TNS3: variants seen among roughly 807,000 people sequenced by gnomAD.
The protein encoded by TNS3 is tensin 3.
In TNS3, 45 loss-of-function variants were observed where a neutral mutation model predicts 140.9. That is an observed-to-expected ratio of 0.32 (90% CI 0.25 to 0.41). The LOEUF is 0.41. TNS3 is among the 10% of genes least tolerant of loss of function. The probability of loss-of-function intolerance (pLI) is 1.00; values close to 1 mark genes in which losing one functional copy is unlikely to be tolerated. For synonymous variants in TNS3, 815 were observed against 788.4 expected (o/e 1.03, Z -0.56); for missense variants, 1,716 against 1,906.7 (o/e 0.90, Z 1.86).
chr7:47,526,388 A>G (rs1379983958), intron 2 of TNS3, among the ~76,000 whole-genome samples: 1 of 152,214 alleles, frequency 6.6e-6, no homozygotes, highest in East Asian at 1.9e-4. Flanking sequence ...ATGCGGCATC[A>G]GCCATGTGGA....
At chr7:47,491,172 G>A (rs1449105922) in intron 3 of TNS3, among the ~76,000 whole-genome samples, 2 of 152,290 alleles carry the variant, frequency 1.3e-5, no homozygotes, top group South Asian at 2.1e-4. Flanking sequence ...TCTACGCTGC[G>A]ATTCACCAAA....
chr7:47,415,571 G>A (rs1794034989), intron 10 of TNS3, among the ~76,000 whole-genome samples: 1 of 152,226 alleles, frequency 6.6e-6, no homozygotes. Context: ...CACACCGGTG[G>A]GCGTGTGCTC....
intron 8 of TNS3, among the ~76,000 whole-genome samples, chr7:47,432,092 A>G (rs1250293167): frequency 6.6e-6 from 1 of 152,202 alleles, no homozygotes; most frequent in Non-Finnish European, 1.5e-5. Context: ...TCACCGAAAA[A>G]AAGAGAAAAC....
At chr7:47,458,170 C>T (rs1166260117) in intron 4 of TNS3, among the ~76,000 whole-genome samples, 2 of 152,214 alleles carry the variant, frequency 1.3e-5, no homozygotes, top group African/African-American at 2.4e-5. Flanking sequence ...TGGTATCTAA[C>T]TGACCCGTTC....
At chr7:47,475,039 G>A (rs1168575136) in intron 4 of TNS3, among the ~76,000 whole-genome samples, 1 of 148,858 alleles carries the variant, frequency 6.7e-6, no homozygotes, top group East Asian at 2.1e-4. Flanking sequence ...TCACACAACA[G>A]ACAACAGACA....
chr7:47,577,562 C>T (rs905272463), intron 1 of TNS3, among the ~76,000 whole-genome samples: 2 of 152,172 alleles, frequency 1.3e-5, no homozygotes, highest in Non-Finnish European at 2.9e-5. Context: ...GCATTGCTGA[C>T]GGACCGGGAT....
intron 1 of TNS3, chr7:47,581,366 A>G (rs1784530688): frequency 8.3e-6 from 1 of 119,828 alleles, no homozygotes; most frequent in Non-Finnish European, 1.6e-5. Context: ...TCCTTCAGGG[A>G]AAAAAAGGAA....
intron 1 of TNS3, among the ~76,000 whole-genome samples, chr7:47,578,294 C>G (rs1186596858): frequency 1.3e-5 from 2 of 152,084 alleles, no homozygotes; most frequent in Non-Finnish European, 2.9e-5. Context: ...TGGACTCCAG[C>G]AAGACTCCAT....
chr7:47,550,918 C>G (rs1800044169), intron 1 of TNS3, among the ~76,000 whole-genome samples: 1 of 152,172 alleles, frequency 6.6e-6, no homozygotes, highest in African/African-American at 2.4e-5. Context: ...CAGTCTTACC[C>G]CACTCCTGAG....
intron 3 of TNS3, among the ~76,000 whole-genome samples, chr7:47,496,896 T>TG (rs1798030983): frequency 6.6e-6 from 1 of 151,966 alleles, no homozygotes; most frequent in East Asian, 1.9e-4. Context: ...TGCAGGAGGC[T>TG]GGGGGGAGTA....
intron 26 of TNS3, 76 bp from the exon 27 acceptor site, chr7:47,292,108 T>C (rs539223493): frequency 2.1e-6 from 3 of 1,432,582 alleles, no homozygotes; most frequent in Non-Finnish European, 2.9e-6. Context: ...GTTAGACAAT[T>C]TGATGACAGA....
chr7:47,492,273 AG>A (rs752836586), intron 3 of TNS3, among the ~76,000 whole-genome samples: 10 of 152,236 alleles, frequency 6.6e-5, no homozygotes, highest in Admixed American at 4.6e-4. Context: ...GGCCAGCAGC[AG>A]GAAGGCTGGG....
intron 28 of TNS3, among the ~76,000 whole-genome samples, 180 bp from the exon 29 acceptor site, chr7:47,280,534 A>G (rs987799366): frequency 6.6e-6 from 1 of 152,238 alleles, no homozygotes; most frequent in Non-Finnish European, 1.5e-5. Context: ...GATGTCATGA[A>G]GCTGGGCAGA....
At chr7:47,429,192 T>C (rs1794807082) in intron 8 of TNS3, among the ~76,000 whole-genome samples, 3 of 152,236 alleles carry the variant, frequency 2.0e-5, no homozygotes, top group Non-Finnish European at 4.4e-5. Context: ...TAAGATTCCA[T>C]GCCATGTGAA....
intron 1 of TNS3, among the ~76,000 whole-genome samples, chr7:47,532,337 T>C (rs10233871): frequency 0.37 from 55,654 of 152,002 alleles, 11,020 homozygotes; most frequent in Middle Eastern, 0.53. Context: ...AGCCAGCCCA[T>C]GGCCGCCCAT....
intron 2 of TNS3, among the ~76,000 whole-genome samples, chr7:47,512,066 G>A (rs773258670): frequency 1.9e-4 from 29 of 152,250 alleles, no homozygotes; most frequent in Non-Finnish European, 2.5e-4. Flanking sequence ...AGCACAGAGC[G>A]GAAGCTGCCT....
At chr7:47,436,255 C>A (rs181123102) in intron 7 of TNS3, among the ~76,000 whole-genome samples, 41 of 152,242 alleles carry the variant, frequency 2.7e-4, no homozygotes, top group Admixed American at 1.5e-3. Flanking sequence ...TACATAAATT[C>A]TATACTCTAC....
At chr7:47,340,280 G>A (rs1458358203) in intron 20 of TNS3, among the ~76,000 whole-genome samples, 5 of 150,558 alleles carry the variant, frequency 3.3e-5, no homozygotes, top group East Asian at 2.0e-4. Flanking sequence ...GCACTGCCAC[G>A]CCCAACTAAT....
intron 20 of TNS3, among the ~76,000 whole-genome samples, chr7:47,336,803 G>C (rs1193546394): frequency 6.6e-6 from 1 of 152,218 alleles, no homozygotes; most frequent in Non-Finnish European, 1.5e-5. Context: ...AGGACCTGGA[G>C]AGAAACACAG....
Sources: gnomAD v4.1 joint callset for allele counts (sites outside exome capture counted in the v4.1 genomes callset) on GRCh38, gnomAD v4.1.1 for gene constraint, MANE v1.5 for transcripts, NCBI Gene and HGNC (gene_info 2026-07-23, HGNC 2026-07-21) for gene names.